Variants in SENP6 observed in about 807,000 individuals in gnomAD.
The protein encoded by SENP6 is SUMO specific peptidase 6, also known as sentrin-specific protease 6.
A neutral mutation model predicts 134.5 loss-of-function variants in SENP6; 41 were observed. The ratio of observed to expected loss-of-function variants is 0.30; its 90% CI spans 0.24 to 0.40. The LOEUF is 0.40. Among genes scored for constraint, SENP6 ranks in the 10% least tolerant of loss-of-function variants. The pLI is 1.00. For missense variants in SENP6, 1,248 were observed against 1,312.5 expected (o/e 0.95, Z 0.76); for synonymous variants, 395 against 429.8 (o/e 0.92, Z 1.00).
intron 8 of SENP6, 136 bp from the exon 9 acceptor site, chr6:75,663,085 C>G: frequency 1.4e-6 from 1 of 734,988 alleles, no homozygotes; most frequent in Non-Finnish European, 2.2e-6. Flanking sequence ...CTTAATGATG[C>G]AGTAAAATGC....
chr6:75,705,925 C>CGTTTTT (rs1775371821), intron 19 of SENP6, among the ~76,000 whole-genome samples: 1 of 47,942 alleles, frequency 2.1e-5, no homozygotes, highest in African/African-American at 1.1e-4. Flanking sequence ...ATTTTTGAGC[C>CGTTTTT]TTTTTTTTTT....
chr6:75,666,999 AT>A (rs1442604945), intron 10 of SENP6, 58 bp downstream of exon 10: 76 of 1,239,432 alleles, frequency 6.1e-5, no homozygotes, highest in Middle Eastern at 2.0e-4. Context: ...TGGGGTGTAA[AT>A]TTTTTTTAGA....
At chr6:75,697,561 A>C in intron 18 of SENP6, 44 bp downstream of exon 18, 2 of 1,320,566 alleles carry the variant, frequency 1.5e-6, no homozygotes, top group Non-Finnish European at 2.2e-6. Flanking sequence ...AAATCATGTA[A>C]ATGATGGCAA....
intron 11 of SENP6, among the ~76,000 whole-genome samples, chr6:75,672,685 C>A (rs1772767275): frequency 6.6e-6 from 1 of 152,012 alleles, no homozygotes; most frequent in Admixed American, 6.6e-5. Context: ...ATTTATCTGC[C>A]AAGTTATGAT....
At chr6:75,703,475 C>T (rs1775182871) in intron 19 of SENP6, among the ~76,000 whole-genome samples, 1 of 151,628 alleles carries the variant, frequency 6.6e-6, no homozygotes, top group African/African-American at 2.4e-5. Context: ...AAATTGAGAA[C>T]CTGATCAGGG....
intron 16 of SENP6, among the ~76,000 whole-genome samples, chr6:75,685,877 T>G (rs1442411637): frequency 6.6e-6 from 1 of 152,172 alleles, no homozygotes; most frequent in Non-Finnish European, 1.5e-5. Context: ...TTCTGTTGAT[T>G]TGGGGTGGAG....
chr6:75,715,389 C>A lies in SENP6; in HGVS notation c.3134C>A (p.Pro1045Gln). 1 of 1,600,556 alleles carries A rather than the reference C, an allele frequency of 6.2e-7. No homozygotes were observed. Among genetic ancestry groups the A allele is most frequent in the South Asian group, 1.1e-5 (1 of 89,832 alleles). ...LQYVESFFEN[P>Q]ILSFELPMNL... ...CGCATTTAATTGTATTTTCAGAATC[C>A]AATTCTCAGTTTTGAACTACCTATG... The change falls in exon 24 of 24, where the codon CCA (proline) becomes CAA (glutamine). Residue 1045 changes from proline to glutamine, a missense_variant. This residue lies in a region of SENP6 where 386 missense variants were observed against 395.0 expected (regional missense o/e 0.98). Transcript: ENST00000447266.
chr6:75,615,497 T>C (rs1039318066), intron 1 of SENP6, among the ~76,000 whole-genome samples: 10 of 152,198 alleles, frequency 6.6e-5, no homozygotes, highest in African/African-American at 2.4e-4. Context: ...AGTTTTTGTT[T>C]GTTGTGAGTG....
chr6:75,716,761 A>T lies in SENP6; in HGVS notation c.*1167A>T, dbSNP rs949007290. ...TCAAATGAACTTTGAGACTTGAAAC[A>T]TATTTTAGTCATTTTTTGTTAAATA... On this transcript the variant is annotated 3_prime_UTR_variant, in exon 24 of 24. Coordinates refer to ENST00000447266, the MANE Select transcript of SENP6 (RefSeq NM_015571.4). 2 of 151,978 alleles carry T rather than the reference A, an allele frequency of 1.3e-5. No individual in the cohort carries two copies. The highest frequency in any genetic ancestry group is 2.4e-5 in the African/African-American group (1 of 41,438). 9.4% of individuals were successfully genotyped at this position (151,978 alleles called of 1,614,324 possible).
In SENP6 at chr6:75,715,510, GA is replaced by G. The variant is rs757356969; in HGVS notation, c.3259del (p.Arg1087GlufsTer13). 2 of 1,613,448 alleles carry G rather than the reference GA, an allele frequency of 1.2e-6. No individual in the cohort carries two copies. The highest frequency in any genetic ancestry group is 1.7e-6 in the Non-Finnish European group (2 of 1,179,574). ...LKLQEDQSKE[K>X]RKHKDTYSTE... ...AGCTACAGGAAGATCAGAGCAAAGA[GA>G]AAAGAAAGCATAAGGACACTTACTC... is the stretch of plus-strand genomic sequence containing the variant. On this transcript the variant is annotated frameshift_variant, in exon 24 of 24. Coordinates refer to ENST00000447266, the MANE Select transcript of SENP6 (RefSeq NM_015571.4). LOFTEE classifies it low-confidence loss of function (END_TRUNC).
chr6:75,691,006 A>AT (rs35909209), intron 16 of SENP6, among the ~76,000 whole-genome samples: 8,408 of 136,392 alleles, frequency 0.062, 480 homozygotes, highest in African/African-American at 0.15. Context: ...GCTCAGCCTA[A>AT]TTTTTTTTTT....
At position 75,707,575 on chromosome 6, in the gene SENP6, C is replaced by G. The variant is rs1231837985; in HGVS notation, c.2717-1952C>G. 2.6e-5 allele frequency among the ~76,000 whole-genome samples: 4 copies of G among 151,888 alleles called. No individual in the cohort carries two copies. The East Asian group carries it at 7.7e-4, about 29-fold the overall frequency. On this transcript the variant is annotated intron_variant, in intron 19 of 23. Coordinates refer to ENST00000447266, the MANE Select transcript of SENP6 (RefSeq NM_015571.4). ...GGCTCACTTTGTTGCCCAGGCTGGT[C>G]TCAAACTTCTGTGTTCAAGCAATCC...
chr6:75,685,745 C>G (rs1037981425), intron 16 of SENP6, among the ~76,000 whole-genome samples: 40 of 152,182 alleles, frequency 2.6e-4, no homozygotes, highest in African/African-American at 9.6e-4. Context: ...TTTGATTACA[C>G]TGTGGTCTGA....
chr6:75,666,250 A>G (rs920160436), intron 9 of SENP6, among the ~76,000 whole-genome samples: 1 of 147,418 alleles, frequency 6.8e-6, no homozygotes, highest in Non-Finnish European at 1.5e-5. Context: ...TATAAAATAT[A>G]TATACGATAT....
At chr6:75,680,572 G>A (rs529877190) in intron 16 of SENP6, among the ~76,000 whole-genome samples, 10 of 152,228 alleles carry the variant, frequency 6.6e-5, no homozygotes, top group Non-Finnish European at 1.5e-4. Context: ...GAAATTGAAG[G>A]GAAGTGAGAG....
chr6:75,607,137 C>G lies in SENP6; in HGVS notation c.52+4561C>G, dbSNP rs370528274. Among the ~76,000 whole-genome samples, 92 of 152,126 alleles carry G rather than the reference C, an allele frequency of 6.0e-4. 1 individual carries two copies. The South Asian group carries it at 0.011, about 19-fold the overall frequency. On this transcript the variant is annotated intron_variant, in intron 1 of 23. Coordinates refer to ENST00000447266, the MANE Select transcript of SENP6 (RefSeq NM_015571.4). Reference sequence around the variant, plus strand: ...CCAAGTTGAGAGGATTGCTTGAGCCCAGGAGTTGGAGACCAGCCTGAGCAA... The same window carrying G: ...CCAAGTTGAGAGGATTGCTTGAGCCGAGGAGTTGGAGACCAGCCTGAGCAA...
At chr6:75,711,259 C>A in intron 20 of SENP6, 69 bp from the exon 21 acceptor site, 1 of 1,107,352 alleles carries the variant, frequency 9.0e-7, no homozygotes, top group Non-Finnish European at 1.3e-6. Context: ...CTCCAGTGTG[C>A]TATTTTGTTA....
intron 3 of SENP6, 36 bp from the exon 4 acceptor site, chr6:75,633,545 C>T (rs763913045): frequency 1.3e-6 from 2 of 1,542,786 alleles, no homozygotes; most frequent in Non-Finnish European, 1.7e-6. Context: ...CACATTATAG[C>T]ATTTTTGACT....
chr6:75,675,436 T>C lies in SENP6; in HGVS notation c.1394T>C (p.Phe465Ser). 1 of 1,434,152 alleles carries C rather than the reference T, an allele frequency of 7.0e-7. No individual in the cohort carries two copies. Among genetic ancestry groups the C allele is most frequent in the South Asian group, 1.2e-5 (1 of 80,036 alleles). The allele number at this position is 1,434,152 out of a possible 1,614,324, so 88.8% of individuals were successfully genotyped here. A position where few individuals can be genotyped will look rare whatever the true frequency, so the allele number is the denominator to read the frequency against. Reference protein sequence around the residue: ...LFRLLIEPVIFCLDFIKIQLD... With the variant: ...LFRLLIEPVISCLDFIKIQLD... ...ATACTAATTCATCTTTTTTTTTAGT[T>C]TTGTTTAGATTTTATCAAGATACAG... Residue 465 changes from phenylalanine (F) to serine (S), a missense_variant and splice_region_variant, in exon 12 of 24, where the codon TTT becomes TCT. Physicochemically the swap from Phe to Ser is radical, Grantham distance 155. Transcript: ENST00000447266.
Sources: allele counts gnomAD v4.1 joint callset (sites outside exome capture counted in the v4.1 genomes callset), GRCh38; gene constraint gnomAD v4.1.1; regional missense constraint gnomAD v4.1.1; transcripts MANE v1.5; gene names NCBI Gene and HGNC (gene_info 2026-07-23, HGNC 2026-07-21).